Variants in SLC12A3 observed in about 807,000 individuals in gnomAD.
SLC12A3 encodes the protein Na-Cl cotransporter.
SLC12A3 carries 104 observed loss-of-function variants against 121.0 expected under a neutral mutation model. The observed-to-expected ratio is 0.86, with a 90% CI of 0.73 to 1.01. SLC12A3 has a LOEUF of 1.01. SLC12A3 is among the 50% of genes least tolerant of loss of function. SLC12A3 has a pLI of 0.00. For missense variants in SLC12A3, 1,328 were observed against 1,356.3 expected (o/e 0.98, Z 0.33); for synonymous variants, 536 against 533.4 (o/e 1.00, Z -0.07).
Position 56,878,077 on chromosome 16 carries a change from G to T in SLC12A3, c.1096G>T (p.Asp366Tyr). The change falls in exon 9 of 26, where the codon GAC becomes TAC. Residue 366 changes from aspartate to tyrosine, a missense_variant and splice_region_variant. Coordinates refer to ENST00000563236, the MANE Select transcript of SLC12A3 (RefSeq NM_001126108.2). ...CTCCCTCTCTCCCTCCCTCCTTCAG[G>T]ACCCTGCTATAGCCATCCCCAAGGG... is the stretch of plus-strand genomic sequence containing the variant. ...AGANISGDLK[D>Y]PAIAIPKGTL... 1 of 1,134,258 alleles carries T rather than the reference G, an allele frequency of 8.8e-7. No individual in the cohort carries two copies. Among genetic ancestry groups the T allele is most frequent in the South Asian group, 1.3e-5 (1 of 75,558 alleles). The allele number at this position is 1,134,258 out of a possible 1,614,324, so 70.3% of individuals were successfully genotyped here. A position where few individuals can be genotyped will look rare whatever the true frequency, so the allele number is the denominator to read the frequency against.
chr16:56,867,767 C>A (rs1266150618), intron 2 of SLC12A3, among the ~76,000 whole-genome samples: 1 of 152,236 alleles, frequency 6.6e-6, no homozygotes, highest in East Asian at 1.9e-4. Context: ...GAGCCGGGAA[C>A]GGCCCTGCAA....
intron 14 of SLC12A3, 39 bp downstream of exon 14, chr16:56,884,243 C>T (rs780633090): frequency 6.2e-7 from 1 of 1,611,458 alleles, no homozygotes; most frequent in Non-Finnish European, 8.5e-7. Flanking sequence ...CCTCCTCCCC[C>T]AGGGTAGCCA....
intron 6 of SLC12A3, among the ~76,000 whole-genome samples, chr16:56,870,942 C>T (rs1160122545): frequency 1.1e-4 from 17 of 151,878 alleles, no homozygotes; most frequent in African/African-American, 4.1e-4. Context: ...TCAAGAGATT[C>T]TCCTGCCTCA....
intron 8 of SLC12A3, among the ~76,000 whole-genome samples, chr16:56,877,640 C>G (rs964621117): frequency 5.3e-5 from 8 of 152,152 alleles, no homozygotes; most frequent in Non-Finnish European, 1.0e-4. Flanking sequence ...GATGAGGGGC[C>G]GGGGTGTGAG....
intron 1 of SLC12A3, among the ~76,000 whole-genome samples, chr16:56,866,359 G>A (rs1219749139): frequency 6.6e-6 from 1 of 152,168 alleles, no homozygotes; most frequent in Non-Finnish European, 1.5e-5. Context: ...AGCAAACCAA[G>A]ACATGGCCCT....
intron 25 of SLC12A3, among the ~76,000 whole-genome samples, chr16:56,908,446 C>T (rs2055639104): frequency 6.6e-6 from 1 of 151,926 alleles, no homozygotes; most frequent in Non-Finnish European, 1.5e-5. Context: ...TGCCCAGCTG[C>T]AGATAGTGAT....
chr16:56,913,455 T>C lies in SLC12A3; in HGVS notation c.*50T>C, dbSNP rs1301521296. 4 of 1,588,316 alleles carry C rather than the reference T, an allele frequency of 2.5e-6. No homozygotes were observed. Among genetic ancestry groups the C allele is most frequent in the Non-Finnish European group, 3.5e-6 (4 of 1,156,556 alleles). ...ACAGCTCTGAGTGTGTGGGATAAGT[T>C]GGAACTTGATTGCCTCTAGTCCACA... On this transcript the variant is annotated 3_prime_UTR_variant, in exon 26 of 26. Transcript: ENST00000563236.
chr16:56,898,380 TC>T (rs1200743331), intron 22 of SLC12A3, among the ~76,000 whole-genome samples: 1 of 152,138 alleles, frequency 6.6e-6, no homozygotes, highest in African/African-American at 2.4e-5. Flanking sequence ...TGCCTCAGCC[TC>T]CCGAGTAGCT....
Position 56,893,027 on chromosome 16 carries a change from G to C in SLC12A3, c.2494G>C (p.Asp832His), listed in dbSNP as rs1386700535. Residue 832 changes from aspartate (D) to histidine (H), a missense_variant, in exon 21 of 26, where the codon GAC becomes CAC. Physicochemically the swap from Asp to His is moderately conservative, Grantham distance 81. Transcript: ENST00000563236. ...GTCGGAGCAGGGCAAGAAGACCATAGACATCTACTGGCTCTTTGACGATGG... is the reference window on the plus strand; with the variant it reads ...GTCGGAGCAGGGCAAGAAGACCATACACATCTACTGGCTCTTTGACGATGG... The part of the protein sequence containing the change: ...FQSEQGKKTI[D>H]IYWLFDDGGL... 1 of 1,614,204 alleles carries C rather than the reference G, an allele frequency of 6.2e-7. No homozygotes were observed. The highest frequency in any genetic ancestry group is 1.7e-5 in the Admixed American group (1 of 60,034).
At chr16:56,913,143 T>A in intron 25 of SLC12A3, 121 bp from the exon 26 acceptor site, 1 of 1,276,654 alleles carries the variant, frequency 7.8e-7, no homozygotes, top group Non-Finnish European at 1.1e-6. Context: ...ATTCTTAGGG[T>A]GGGTGGAAGG....
rs763507052 is a variant in SLC12A3, at chr16:56,882,475, C to T, written c.1647C>T (p.His549=). 29 of 1,613,800 alleles carry T rather than the reference C, an allele frequency of 1.8e-5. No individual in the cohort carries two copies. In the Middle Eastern group the frequency reaches 8.2e-4, roughly 46 times the overall value. Residue 549 remains histidine, a synonymous_variant, in exon 13 of 26, where the codon CAC becomes CAT. Coordinates refer to ENST00000563236, the MANE Select transcript of SLC12A3 (RefSeq NM_001126108.2). ...SYALINFSCF[H]ASITNSPGWR... is the part of the protein sequence containing the mutation. ...CCCTCATCAACTTCAGCTGCTTCCA[C>T]GCCTCCATCACCAACTCGCCTGGTA...
At chr16:56,899,748 A>G (rs2055513422) in intron 23 of SLC12A3, 132 bp downstream of exon 23, 4 of 734,324 alleles carry the variant, frequency 5.4e-6, no homozygotes, top group Non-Finnish European at 9.8e-6. Flanking sequence ...TAGATGTGTC[A>G]GAGGGCACAA....
Position 56,889,124 on chromosome 16 carries a change from G to T in SLC12A3, c.2285+1093G>T, listed in dbSNP as rs535189885. Among the ~76,000 whole-genome samples the T allele has an allele frequency of 5.6e-3, 847 of 152,272 alleles. 16 individuals carry two copies. The highest frequency in any genetic ancestry group is 0.038 in the South Asian group (184 of 4,822). ...TTTCTGTGTTGATGTTGTTGTGTGA[G>T]GTATCACTGAACAACATGAGGCTGA... On this transcript the variant is annotated intron_variant, in intron 18 of 25. Coordinates refer to ENST00000563236, the MANE Select transcript of SLC12A3 (RefSeq NM_001126108.2).
chr16:56,873,933 A>G (rs2055135935), intron 8 of SLC12A3, among the ~76,000 whole-genome samples: 3 of 151,924 alleles, frequency 2.0e-5, no homozygotes, highest in African/African-American at 7.3e-5. Context: ...GCTGGTCTCG[A>G]TCTCCTGACC....
At chr16:56,905,777 T>C (rs1260748501) in intron 25 of SLC12A3, among the ~76,000 whole-genome samples, 1 of 151,990 alleles carries the variant, frequency 6.6e-6, no homozygotes, top group Non-Finnish European at 1.5e-5. Context: ...CTCACAGTGG[T>C]GGAAAGGAGG....
At chr16:56,868,264 C>T (rs780037143) in intron 2 of SLC12A3, 33 bp from the exon 3 acceptor site, 10 of 1,608,594 alleles carry the variant, frequency 6.2e-6, no homozygotes, top group Non-Finnish European at 8.5e-6. Flanking sequence ...GGGGTGTCCA[C>T]CCAGGTGGCC....
rs1405723055 is a variant in SLC12A3 at position 56,913,291 on chromosome 16, G to T, written c.2952G>T (p.Lys984Asn). Residue 984 changes from lysine (K) to asparagine (N), a missense_variant, in exon 26 of 26, where the codon AAG (lysine) becomes AAT (asparagine). Physicochemically the swap from Lys to Asn is moderately conservative, Grantham distance 94. Transcript: ENST00000563236. ...CTTTGCCCATAGGGAGGAAGGGGAA[G>T]TGCCCCAGCTCGCTGTACATGGCCT... ...VITLPIGRKG[K>N]CPSSLYMAWL... is the part of the protein sequence containing the mutation. 1 of 1,614,200 alleles carries T rather than the reference G, an allele frequency of 6.2e-7. No individual in the cohort carries two copies. The highest frequency in any genetic ancestry group is 8.5e-7 in the Non-Finnish European group (1 of 1,180,036).
At chr16:56,896,635 A>G (rs1479867639) in intron 22 of SLC12A3, among the ~76,000 whole-genome samples, 3 of 152,152 alleles carry the variant, frequency 2.0e-5, no homozygotes, top group Non-Finnish European at 4.4e-5. Context: ...TGCCTGTAGT[A>G]CTGGCCACTT....
At chr16:56,887,798 A>ATATATATATTT (rs1433682477) in intron 17 of SLC12A3, 127 bp from the exon 18 acceptor site, 3 of 68,456 alleles carry the variant, frequency 4.4e-5, no homozygotes, top group Non-Finnish European at 5.8e-5. Context: ...ATATATATAT[A>ATATATATATTT]TTTTTTTTTT....
Sources: gnomAD v4.1 joint callset for allele counts (sites outside exome capture counted in the v4.1 genomes callset) on GRCh38, gnomAD v4.1.1 for gene constraint, MANE v1.5 for transcripts, NCBI Gene and HGNC (gene_info 2026-07-23, HGNC 2026-07-21) for gene names.